The following GATAD2B variants were observed in gnomAD, a reference collection of about 807,000 sequenced individuals.
GATAD2B encodes the protein GATA zinc finger domain containing 2B.
In GATAD2B, 8 loss-of-function variants were observed where a neutral mutation model predicts 64.3. The observed-to-expected ratio is 0.12, with a 90% CI of 0.07 to 0.22. The LOEUF is 0.22. Ranked by LOEUF, GATAD2B falls within the 10% of genes least tolerant of loss-of-function variation. The pLI is 1.00. For synonymous variants in GATAD2B, 281 were observed against 271.3 expected, an observed-to-expected ratio of 1.04 and a Z score of -0.35; for missense variants, 453 against 752.0, an observed-to-expected ratio of 0.60 and a Z score of 4.65.
intron 1 of GATAD2B, among the ~76,000 whole-genome samples, chr1:153,908,521 G>T (rs1039958157): frequency 1.3e-5 from 2 of 150,490 alleles, no homozygotes; most frequent in Non-Finnish European, 3.0e-5. Flanking sequence ...TCGTTGCCCA[G>T]GCTGGAATCC....
chr1:153,903,594 G>GT (rs1259288516), intron 1 of GATAD2B, among the ~76,000 whole-genome samples: 1 of 152,168 alleles, frequency 6.6e-6, no homozygotes, highest in African/African-American at 2.4e-5. Flanking sequence ...TAGCAGAATT[G>GT]TAAGCAACAG....
intron 1 of GATAD2B, chr1:153,853,456 C>CGTA (rs1675978384): frequency 1.9e-6 from 1 of 515,296 alleles, no homozygotes; most frequent in South Asian, 2.4e-5. Flanking sequence ...AGTGAAGCGC[C>CGTA]TATTTTTTAA....
chr1:153,854,728 A>C (rs1338493222), intron 1 of GATAD2B, among the ~76,000 whole-genome samples: 1 of 152,212 alleles, frequency 6.6e-6, no homozygotes, highest in Non-Finnish European at 1.5e-5. Flanking sequence ...TTTAACATTT[A>C]TTTTCATAAG....
At chr1:153,885,036 T>C (rs1053099220) in intron 1 of GATAD2B, among the ~76,000 whole-genome samples, 2 of 152,086 alleles carry the variant, frequency 1.3e-5, no homozygotes, top group African/African-American at 4.8e-5. Context: ...AGATTACAGG[T>C]GTGAGCCAAT....
At chr1:153,847,790 T>C (rs1376030118) in intron 1 of GATAD2B, among the ~76,000 whole-genome samples, 1 of 152,184 alleles carries the variant, frequency 6.6e-6, no homozygotes, top group Non-Finnish European at 1.5e-5. Flanking sequence ...CTCATCTCTT[T>C]TTTTCATATT....
chr1:153,920,201 CA>C (rs1227112935), intron 1 of GATAD2B, among the ~76,000 whole-genome samples: 1 of 152,182 alleles, frequency 6.6e-6, no homozygotes, highest in Non-Finnish European at 1.5e-5. Flanking sequence ...GCTTTACATG[CA>C]ACACACAAGA....
At chr1:153,848,647 T>A (rs1189910231) in intron 1 of GATAD2B, among the ~76,000 whole-genome samples, 1 of 152,182 alleles carries the variant, frequency 6.6e-6, no homozygotes, top group African/African-American at 2.4e-5. Flanking sequence ...TTGCCTAACA[T>A]CTCCATTTGG....
chr1:153,831,096 A>G (rs185271738), intron 1 of GATAD2B, among the ~76,000 whole-genome samples: 56 of 152,270 alleles, frequency 3.7e-4, no homozygotes, highest in South Asian at 6.2e-4. Context: ...CAAACTTCTG[A>G]ATTTTGGGTT....
In GATAD2B at chr1:153,840,932, T is replaced by C. The variant is rs149010867; in HGVS notation, c.-1-12584A>G. Among the ~76,000 whole-genome samples the C allele has an allele frequency of 6.2e-4, 94 of 152,088 alleles. 1 individual carries two copies. In the East Asian group the frequency reaches 0.016, roughly 26 times the overall value. On this transcript the variant is annotated intron_variant, in intron 1 of 10. Transcript: ENST00000368655. Reference sequence around the variant, plus strand: ...TGTGGTCAGGCGATCAAGACCATCCTGGCTGACACGGTGAAACCCCGTCTC... The same window carrying C: ...TGTGGTCAGGCGATCAAGACCATCCCGGCTGACACGGTGAAACCCCGTCTC...
At chr1:153,892,534 T>A (rs1161768359) in intron 1 of GATAD2B, among the ~76,000 whole-genome samples, 1 of 152,088 alleles carries the variant, frequency 6.6e-6, no homozygotes, top group Non-Finnish European at 1.5e-5. Flanking sequence ...AACAATTGAC[T>A]AGTAAATGGT....
At chr1:153,880,212 C>T (rs1676967555) in intron 1 of GATAD2B, among the ~76,000 whole-genome samples, 1 of 152,016 alleles carries the variant, frequency 6.6e-6, no homozygotes, top group Non-Finnish European at 1.5e-5. Context: ...CCTGTAATTC[C>T]AGCACCGTGG....
intron 1 of GATAD2B, among the ~76,000 whole-genome samples, chr1:153,898,569 T>C (rs1432816098): frequency 6.7e-6 from 1 of 149,208 alleles, no homozygotes; most frequent in South Asian, 2.1e-4. Context: ...CTACTAAACA[T>C]ACAAAAAAAA....
chr1:153,870,657 T>C (rs996296183), intron 1 of GATAD2B, among the ~76,000 whole-genome samples: 6 of 152,200 alleles, frequency 3.9e-5, no homozygotes, highest in African/African-American at 1.4e-4. Context: ...AAAACTTTGC[T>C]TTATGCACAA....
intron 1 of GATAD2B, among the ~76,000 whole-genome samples, chr1:153,922,363 G>A (rs1173926822): frequency 1.3e-5 from 2 of 151,016 alleles, no homozygotes; most frequent in Non-Finnish European, 3.0e-5. Flanking sequence ...GAGTGAAAGC[G>A]GGGATGGCGG....
intron 1 of GATAD2B, among the ~76,000 whole-genome samples, chr1:153,854,178 G>A (rs1024193869): frequency 5.9e-5 from 9 of 152,216 alleles, no homozygotes; most frequent in African/African-American, 1.9e-4. Context: ...TGAAACGGGC[G>A]GATCGTGAGG....
intron 1 of GATAD2B, among the ~76,000 whole-genome samples, chr1:153,897,631 T>G (rs1480453395): frequency 6.6e-6 from 1 of 152,140 alleles, no homozygotes; most frequent in Non-Finnish European, 1.5e-5. Context: ...TGCTCTAAAG[T>G]GTAAGTTTCT....
intron 1 of GATAD2B, among the ~76,000 whole-genome samples, chr1:153,909,929 C>A (rs1259853330): frequency 7.3e-6 from 1 of 137,512 alleles, no homozygotes; most frequent in Admixed American, 8.0e-5. Flanking sequence ...GCCTGGGCAA[C>A]AGAGCAAGAC....
intron 1 of GATAD2B, among the ~76,000 whole-genome samples, chr1:153,835,015 A>G (rs1675218373): frequency 6.6e-6 from 1 of 151,672 alleles, no homozygotes; most frequent in South Asian, 2.1e-4. Context: ...CAGGAGAGTG[A>G]GGTGAGGGGA....
chr1:153,812,192 T>A (rs930978634), intron 8 of GATAD2B, 60 bp from the exon 9 acceptor site: 5 of 181,208 alleles, frequency 2.8e-5, no homozygotes, highest in African/African-American at 4.3e-4. Flanking sequence ...CCAATTTCCT[T>A]TTTTTTTTTT....
Sources: gnomAD v4.1 joint callset for allele counts (sites outside exome capture counted in the v4.1 genomes callset) on GRCh38, gnomAD v4.1.1 for gene constraint, MANE v1.5 for transcripts, NCBI Gene and HGNC (gene_info 2026-07-23, HGNC 2026-07-21) for gene names.